Variants in PRRX2 observed in about 807,000 individuals in gnomAD.
PRRX2 encodes paired mesoderm homeobox protein 2.
A neutral mutation model predicts 18.0 loss-of-function variants in PRRX2; 11 were observed. The ratio of observed to expected loss-of-function variants is 0.61; its 90% confidence interval spans 0.39 to 1.01. The LOEUF is 1.01. PRRX2 is among the 50% of genes least tolerant of loss of function. The pLI, the probability that PRRX2 is intolerant of heterozygous loss-of-function variation, is 0.01. For missense variants in PRRX2, 387 were observed against 351.0 expected (o/e 1.10, Z -0.82); for synonymous variants, 177 against 154.8 (o/e 1.14, Z -1.06).
rs1832412217 is a variant in PRRX2 at position 129,695,712 on chromosome 9, A to C, written c.260-23519A>C. Among the ~76,000 whole-genome samples the C allele has an allele frequency of 2.0e-5, 3 of 152,364 alleles. No homozygotes were observed. The South Asian group carries it at 6.2e-4, about 32-fold the overall frequency. On this transcript the variant is annotated intron_variant, in intron 1 of 3. Coordinates refer to ENST00000372469, the MANE Select transcript of PRRX2 (RefSeq NM_016307.4). This position sits in a 1 kb window ranked among gnomAD's most constrained non-coding sequence, Gnocchi z 4.8. ...ACTTTCCCGCTGCTTTCAGATGCTT[A>C]GGCACATTCACCAGGCCATTATGGG...
In PRRX2 at chr9:129,722,255, C is replaced by A; in HGVS notation, c.665C>A (p.Ala222Glu). The change falls in exon 4 of 4, where the codon GCA becomes GAA. Residue 222 changes from alanine (A) to glutamate (E), a missense_variant. By Grantham distance (107) the Ala-to-Glu change is moderately radical (BLOSUM62 -1). Coordinates refer to ENST00000372469, the MANE Select transcript of PRRX2 (RefSeq NM_016307.4). ...PPYSPGSSGP[A>E]TPGVNMANSI... is the part of the protein sequence containing the mutation. The stretch of plus-strand genomic sequence containing the variant: ...TACAGCCCTGGGAGCTCAGGCCCCG[C>A]AACCCCAGGGGTCAACATGGCCAAC... 1 of 1,614,020 alleles carries A rather than the reference C, an allele frequency of 6.2e-7. No homozygotes were observed. The highest frequency in any genetic ancestry group is 8.5e-7 in the Non-Finnish European group (1 of 1,179,994).
chr9:129,672,165 T>C (rs1025016852), intron 1 of PRRX2, among the ~76,000 whole-genome samples: 1 of 152,132 alleles, frequency 6.6e-6, no homozygotes, highest in African/African-American at 2.4e-5. Context: ...GGGGACCCAA[T>C]GCTTGCTTGA....
chr9:129,720,253 C>G (rs998502781), intron 2 of PRRX2, among the ~76,000 whole-genome samples: 1 of 148,724 alleles, frequency 6.7e-6, no homozygotes, highest in Admixed American at 6.7e-5. Flanking sequence ...AGCCTCTCCC[C>G]CCGAGTGCTC....
In PRRX2 at chr9:129,709,520, T is replaced by C. The variant is rs961496176; in HGVS notation, c.260-9711T>C. ...CAGAGCACGGCAGTCCCAGGTTGGG[T>C]GGCCCATGCCTCTCGCTCTTGTGTG... On this transcript the variant is annotated intron_variant, in intron 1 of 3. Coordinates refer to ENST00000372469, the MANE Select transcript of PRRX2 (RefSeq NM_016307.4). The surrounding 1 kb of genome is among the most constrained non-coding windows in gnomAD (Gnocchi z 4.2). Among the ~76,000 whole-genome samples, 1 of 152,162 alleles carries C rather than the reference T, an allele frequency of 6.6e-6. No homozygotes were observed. The highest frequency in any genetic ancestry group is 1.5e-5 in the Non-Finnish European group (1 of 68,014).
In PRRX2 at chr9:129,671,028, A is replaced by T. The variant is rs1216033580; in HGVS notation, c.259+4902A>T. On this transcript the variant is annotated intron_variant, in intron 1 of 3. Coordinates refer to ENST00000372469, the MANE Select transcript of PRRX2 (RefSeq NM_016307.4). This position sits in a 1 kb window ranked among gnomAD's most constrained non-coding sequence, Gnocchi z 4.0. ...CATGTCACCTCTCTGTGCCTCGTTC[A>T]CCACCTGAACAGTGGGAGATGGCGT... Among the ~76,000 whole-genome samples the T allele has an allele frequency of 6.6e-6, 1 of 152,056 alleles. No homozygotes were observed. The highest frequency in any genetic ancestry group is 2.4e-5 in the African/African-American group (1 of 41,368).
intron 1 of PRRX2, among the ~76,000 whole-genome samples, chr9:129,687,604 T>C (rs1334625479): frequency 6.6e-6 from 1 of 152,234 alleles, no homozygotes; most frequent in Admixed American, 6.5e-5. Context: ...AGGGTGGTGC[T>C]CAGTAAATGC....
chr9:129,711,206 C>T (rs1362106472), intron 1 of PRRX2, among the ~76,000 whole-genome samples: 1 of 152,072 alleles, frequency 6.6e-6, no homozygotes, highest in Admixed American at 6.6e-5. Context: ...GCTAAGACCC[C>T]GGACTGTGTG....
At position 129,671,497 on chromosome 9, in the gene PRRX2, A is replaced by G. The variant is rs1393773980; in HGVS notation, c.259+5371A>G. On this transcript the variant is annotated intron_variant, in intron 1 of 3. Coordinates refer to ENST00000372469, the MANE Select transcript of PRRX2 (RefSeq NM_016307.4). This position sits in a 1 kb window ranked among gnomAD's most constrained non-coding sequence, Gnocchi z 4.0. ...GCTGGAGCCACCACTGTCCCCTCCCAGAAAACTCCAGAAAAGCAGCTTGGA... is the reference window on the plus strand; with the variant it reads ...GCTGGAGCCACCACTGTCCCCTCCCGGAAAACTCCAGAAAAGCAGCTTGGA... Among the ~76,000 whole-genome samples the G allele has an allele frequency of 6.6e-6, 1 of 152,212 alleles. No homozygotes were observed. Among genetic ancestry groups the G allele is most frequent in the African/African-American group, 2.4e-5 (1 of 41,448 alleles).
chr9:129,687,718 C>T (rs1832313384), intron 1 of PRRX2, among the ~76,000 whole-genome samples: 1 of 152,180 alleles, frequency 6.6e-6, no homozygotes, highest in African/African-American at 2.4e-5. Context: ...CTCATCACAC[C>T]CGAGATTTGG....
At position 129,697,710 on chromosome 9, in the gene PRRX2, G is replaced by A. The variant is rs149692562; in HGVS notation, c.260-21521G>A. On this transcript the variant is annotated intron_variant, in intron 1 of 3. Transcript: ENST00000372469. Reference sequence around the variant, plus strand: ...GGAAAGCCACCCACGAGACGGGTGGGGTCCGCCTCGCCCCTCGGCCCTGTC... The same window carrying A: ...GGAAAGCCACCCACGAGACGGGTGGAGTCCGCCTCGCCCCTCGGCCCTGTC... Among the ~76,000 whole-genome samples the A allele has an allele frequency of 4.5e-3, 678 of 152,164 alleles. 4 individuals carry two copies. Among genetic ancestry groups the A allele is most frequent in the African/African-American group, 0.015 (631 of 41,552 alleles).
chr9:129,698,692 G>A (rs1346236213), intron 1 of PRRX2, among the ~76,000 whole-genome samples: 1 of 152,120 alleles, frequency 6.6e-6, no homozygotes, highest in Non-Finnish European at 1.5e-5. Context: ...GCCCCCTCAC[G>A]TCACTACCTC....
intron 1 of PRRX2, among the ~76,000 whole-genome samples, chr9:129,688,609 G>A (rs2130917285): frequency 6.6e-6 from 1 of 152,286 alleles, no homozygotes; most frequent in Admixed American, 6.5e-5. Context: ...CAGCCAGGAG[G>A]GCTCACTGGG....
chr9:129,716,288 GC>G (rs1415918509), intron 1 of PRRX2, among the ~76,000 whole-genome samples: 3 of 152,106 alleles, frequency 2.0e-5, no homozygotes, highest in Admixed American at 2.0e-4. Flanking sequence ...CCCTCCAAAT[GC>G]CCATCAATAG....
At chr9:129,705,863 G>A (rs1262779381) in intron 1 of PRRX2, among the ~76,000 whole-genome samples, 1 of 151,456 alleles carries the variant, frequency 6.6e-6, no homozygotes, top group Non-Finnish European at 1.5e-5. Context: ...ATCGCCTGAG[G>A]TCAGGAGTTC....
intron 1 of PRRX2, among the ~76,000 whole-genome samples, chr9:129,692,156 AC>A (rs1832368562): frequency 6.6e-6 from 1 of 151,240 alleles, no homozygotes; most frequent in South Asian, 2.1e-4. Flanking sequence ...TGCTGTGTTG[AC>A]CAGGCTGGTC....
chr9:129,682,872 G>T (rs1415195562), intron 1 of PRRX2, among the ~76,000 whole-genome samples: 1 of 151,792 alleles, frequency 6.6e-6, no homozygotes, highest in Non-Finnish European at 1.5e-5. Flanking sequence ...TGGGAGGCCG[G>T]AGTGGGCGGA....
intron 3 of PRRX2, 96 bp downstream of exon 3, chr9:129,720,870 TTGAA>T: frequency 1.5e-6 from 2 of 1,312,136 alleles, no homozygotes; most frequent in South Asian, 3.4e-5. Context: ...TGGAGAGAGC[TTGAA>T]TGGTGTCCAC....
rs910764288 is a variant in PRRX2 at position 129,720,885 on chromosome 9, G to A, written c.626+111G>A. The A allele has an allele frequency of 2.0e-5, 24 of 1,230,674 alleles. No homozygotes were observed. In the African/African-American group the frequency reaches 2.2e-4, roughly 11 times the overall value. 76.2% of individuals were successfully genotyped at this position (1,230,674 alleles called of 1,614,324 possible). ...TGGAGAGAGCTTGAATGGTGTCCACGCGCCCCTGGGATCTGGGGTACACCA... is the reference window on the plus strand; with the variant it reads ...TGGAGAGAGCTTGAATGGTGTCCACACGCCCCTGGGATCTGGGGTACACCA... On this transcript the variant is annotated intron_variant, in intron 3 of 3. Coordinates refer to ENST00000372469, the MANE Select transcript of PRRX2 (RefSeq NM_016307.4).
At chr9:129,701,611 C>A (rs1351638581) in intron 1 of PRRX2, among the ~76,000 whole-genome samples, 1 of 152,236 alleles carries the variant, frequency 6.6e-6, no homozygotes, top group Non-Finnish European at 1.5e-5. Context: ...CAACCATACG[C>A]AGCATCCCTG....
Sources: gnomAD v4.1 joint callset for allele counts (sites outside exome capture counted in the v4.1 genomes callset) on GRCh38, gnomAD v4.1.1 for gene constraint, Gnocchi (gnomAD v3.1) non-coding constraint, MANE v1.5 for transcripts, NCBI Gene and HGNC (gene_info 2026-07-23, HGNC 2026-07-21) for gene names.